The following BCHE variants were observed in gnomAD, a reference collection of about 807,000 sequenced individuals.
The protein encoded by BCHE is butyrylcholinesterase, also known as cholinesterase.
A neutral mutation model predicts 51.3 loss-of-function variants in BCHE; 48 were observed. The observed-to-expected ratio is 0.94, with a 90% CI of 0.74 to 1.19. The LOEUF is 1.19. BCHE is among the 50% of genes most tolerant of loss of function. The pLI, the probability that BCHE is intolerant of heterozygous loss-of-function variation, is 0.00. For synonymous variants in BCHE, 251 were observed against 238.0 expected, an observed-to-expected ratio of 1.05 and a Z score of -0.50; for missense variants, 847 against 708.2, an observed-to-expected ratio of 1.20 and a Z score of -2.23.
chr3:165,802,659 C>A (rs1416812254), intron 2 of BCHE, among the ~76,000 whole-genome samples: 3 of 150,176 alleles, frequency 2.0e-5, no homozygotes, highest in Non-Finnish European at 4.4e-5. Context: ...TAAATGGAGA[C>A]ATTTACAGAG....
chr3:165,800,415 T>C (rs1713591342), intron 2 of BCHE, among the ~76,000 whole-genome samples: 1 of 152,234 alleles, frequency 6.6e-6, no homozygotes, highest in East Asian at 1.9e-4. Flanking sequence ...GGGCTATTTT[T>C]ATTTTTTTTC....
At position 165,829,988 on chromosome 3, in the gene BCHE, A is replaced by G. The variant is rs1418856214; in HGVS notation, c.1046T>C (p.Val349Ala). Residue 349 changes from valine (V) to alanine (A), a missense_variant, in exon 2 of 4, where the codon GTT (valine) becomes GCT (alanine). Transcript: ENST00000264381. ...AAAAGCTGTCCCTTCATCTTTATTA[A>G]CACCCACCAAAATCTGGGTTTTTTT... ...QFKKTQILVG[V>A]NKDEGTAFLV... 3.1e-6 allele frequency: 5 copies of G among 1,613,700 alleles called. No homozygotes were observed. The highest frequency in any genetic ancestry group is 4.2e-6 in the Non-Finnish European group (5 of 1,179,902).
intron 2 of BCHE, among the ~76,000 whole-genome samples, chr3:165,822,302 A>G (rs1714554626): frequency 6.6e-6 from 1 of 152,134 alleles, no homozygotes; most frequent in Admixed American, 6.6e-5. Flanking sequence ...AGCTTAGTTG[A>G]TTAATTAAGT....
chr3:165,816,583 A>C (rs925660075), intron 2 of BCHE, among the ~76,000 whole-genome samples: 4 of 152,014 alleles, frequency 2.6e-5, no homozygotes, highest in African/African-American at 9.7e-5. Flanking sequence ...CCATCCCATC[A>C]AAACACCACA....
At chr3:165,813,198 C>T (rs1406295500) in intron 2 of BCHE, among the ~76,000 whole-genome samples, 1 of 151,684 alleles carries the variant, frequency 6.6e-6, no homozygotes, top group Non-Finnish European at 1.5e-5. Context: ...AGACTACTTA[C>T]CAATAAAATT....
intron 2 of BCHE, among the ~76,000 whole-genome samples, chr3:165,814,752 G>T (rs1714237459): frequency 1.3e-5 from 2 of 151,814 alleles, no homozygotes; most frequent in Admixed American, 6.6e-5. Context: ...AGTCTCTTTA[G>T]TCCCTAACTT....
intron 2 of BCHE, among the ~76,000 whole-genome samples, chr3:165,821,306 A>G (rs1194109948): frequency 1.3e-5 from 2 of 151,894 alleles, no homozygotes; most frequent in Non-Finnish European, 2.9e-5. Flanking sequence ...ATACTATATA[A>G]TAAGTATAAA....
At chr3:165,827,696 T>G (rs923474299) in intron 2 of BCHE, among the ~76,000 whole-genome samples, 4 of 151,998 alleles carry the variant, frequency 2.6e-5, no homozygotes, top group Non-Finnish European at 5.9e-5. Flanking sequence ...TTCCTAGAAT[T>G]TAAAGAAAGA....
intron 2 of BCHE, among the ~76,000 whole-genome samples, chr3:165,822,343 C>CT (rs1466910601): frequency 1.3e-5 from 2 of 151,944 alleles, no homozygotes; most frequent in East Asian, 1.9e-4. Flanking sequence ...AACAATTGTA[C>CT]TTTTTTTGGT....
chr3:165,780,493 A>G (rs1386261095), intron 3 of BCHE, among the ~76,000 whole-genome samples: 1 of 152,208 alleles, frequency 6.6e-6, no homozygotes, highest in Non-Finnish European at 1.5e-5. Context: ...ATGAGAGAAC[A>G]TTTCTGCAAT....
intron 2 of BCHE, among the ~76,000 whole-genome samples, chr3:165,826,476 C>G (rs920040506): frequency 1.3e-5 from 2 of 151,932 alleles, no homozygotes; most frequent in African/African-American, 2.4e-5. Context: ...CAGTGATTGA[C>G]TGGACATGGG....
intron 2 of BCHE, among the ~76,000 whole-genome samples, chr3:165,807,950 G>A (rs1713929448): frequency 6.6e-6 from 1 of 151,906 alleles, no homozygotes; most frequent in Non-Finnish European, 1.5e-5. Context: ...AATGGAAACT[G>A]ACAACCTGGT....
chr3:165,819,740 T>C (rs889728950), intron 2 of BCHE, among the ~76,000 whole-genome samples: 1 of 32,518 alleles, frequency 3.1e-5, no homozygotes, highest in African/African-American at 7.0e-5. Flanking sequence ...TTTGCTAAAT[T>C]CAATAAATAA....
At chr3:165,819,892 C>T (rs1714448415) in intron 2 of BCHE, among the ~76,000 whole-genome samples, 1 of 152,072 alleles carries the variant, frequency 6.6e-6, no homozygotes, top group African/African-American at 2.4e-5. Context: ...AGCATTACAT[C>T]TGTGTGTACA....
Position 165,773,384 on chromosome 3 carries a change from A to G in BCHE, c.1807T>C (p.Ter603GlnextTer13), listed in dbSNP as rs1440540723. 1 of 1,610,198 alleles carries G rather than the reference A, an allele frequency of 6.2e-7. No individual in the cohort carries two copies. ...TCTATAAAGGGTAAATCTATTAATT[A>G]GAGACCCACACAACTTTCTTTCTTG... ...TSKKESCVGL[*>Q] is the part of the protein sequence containing the mutation. Residue 603 changes from the stop codon to glutamine (Q), a stop_lost, in exon 4 of 4, where the codon TAA becomes CAA. Transcript: ENST00000264381.
At chr3:165,816,949 C>A (rs555370507) in intron 2 of BCHE, among the ~76,000 whole-genome samples, 4 of 152,048 alleles carry the variant, frequency 2.6e-5, no homozygotes, top group Admixed American at 2.6e-4. Flanking sequence ...TTTCAGATGT[C>A]TTGGCACAAT....
At chr3:165,826,612 A>G (rs2108232205) in intron 2 of BCHE, among the ~76,000 whole-genome samples, 1 of 152,154 alleles carries the variant, frequency 6.6e-6, no homozygotes, top group South Asian at 2.1e-4. Context: ...TATTGTGTAT[A>G]TTTTTACAGT....
At position 165,772,963 on chromosome 3, in the gene BCHE, A is replaced by G. The variant is rs1209975950; in HGVS notation, c.*419T>C. ...ACATTCAATTCTTATTTTAATTAGG[A>G]AACATAATATTGTAAACTATGGTGT... On this transcript the variant is annotated 3_prime_UTR_variant, in exon 4 of 4. Transcript: ENST00000264381. The G allele has an allele frequency of 6.5e-6, 1 of 153,030 alleles. No homozygotes were observed. Among genetic ancestry groups the G allele is most frequent in the Non-Finnish European group, 1.5e-5 (1 of 68,696 alleles). 9.5% of individuals were successfully genotyped at this position (153,030 alleles called of 1,614,324 possible).
intron 1 of BCHE, among the ~76,000 whole-genome samples, chr3:165,831,809 CTT>C (rs1197920058): frequency 1.3e-5 from 2 of 152,048 alleles, no homozygotes; most frequent in African/African-American, 4.8e-5. Flanking sequence ...ATGAGGGACT[CTT>C]TACCAGATTT....
Sources: gnomAD v4.1 joint callset for allele counts (sites outside exome capture counted in the v4.1 genomes callset) on GRCh38, gnomAD v4.1.1 for gene constraint, MANE v1.5 for transcripts, NCBI Gene and HGNC (gene_info 2026-07-23, HGNC 2026-07-21) for gene names.